Variants in PICALM observed in about 807,000 individuals in gnomAD.
PICALM encodes phosphatidylinositol binding clathrin assembly protein.
In PICALM, 40 loss-of-function variants were observed where a neutral mutation model predicts 80.5. The ratio of observed to expected loss-of-function variants is 0.50; its 90% CI spans 0.39 to 0.65. PICALM has a LOEUF of 0.65. Ranked by LOEUF, PICALM falls within the 30% of genes least tolerant of loss-of-function variation. The pLI is 0.00. For missense variants in PICALM, 676 were observed against 778.9 expected (o/e 0.87, Z 1.57); for synonymous variants, 288 against 260.3 (o/e 1.11, Z -1.02).
At chr11:85,959,806 C>G (rs1299185988) in intron 19 of PICALM, among the ~76,000 whole-genome samples, 15 of 152,002 alleles carry the variant, frequency 9.9e-5, no homozygotes, top group Admixed American at 9.8e-4. Context: ...TCTTGAACTA[C>G]TAGCCCCAAG....
intron 1 of PICALM, among the ~76,000 whole-genome samples, chr11:86,056,754 A>G (rs1432648906): frequency 1.3e-5 from 2 of 152,200 alleles, no homozygotes; most frequent in Non-Finnish European, 2.9e-5. Flanking sequence ...TCACAGCCCA[A>G]ATGGCTAAAC....
intron 17 of PICALM, among the ~76,000 whole-genome samples, chr11:85,979,789 C>T (rs1011089680): frequency 2.0e-5 from 3 of 152,184 alleles, no homozygotes; most frequent in South Asian, 2.1e-4. Flanking sequence ...CTGTCAGTAA[C>T]GTGTAGCCCG....
chr11:86,047,396 T>C (rs1359506666), intron 1 of PICALM, among the ~76,000 whole-genome samples: 1 of 152,256 alleles, frequency 6.6e-6, no homozygotes, highest in African/African-American at 2.4e-5. Context: ...CGACACATTA[T>C]TCAACTCAAG....
At chr11:86,066,571 AC>A (rs1416384022) in intron 1 of PICALM, among the ~76,000 whole-genome samples, 1 of 152,144 alleles carries the variant, frequency 6.6e-6, no homozygotes, top group Non-Finnish European at 1.5e-5. Context: ...CACTCTTCTA[AC>A]CCTACCTATT....
intron 1 of PICALM, among the ~76,000 whole-genome samples, chr11:86,033,350 T>G (rs921432603): frequency 2.6e-5 from 4 of 152,168 alleles, no homozygotes; most frequent in African/African-American, 9.7e-5. Context: ...CCATACTATA[T>G]TCCCTTTGTG....
chr11:85,966,516 C>T (rs576432889), intron 19 of PICALM, among the ~76,000 whole-genome samples: 1 of 149,848 alleles, frequency 6.7e-6, no homozygotes, highest in Non-Finnish European at 1.5e-5. Flanking sequence ...CAAAGTAATA[C>T]CACAATTTTA....
At chr11:85,983,821 A>G in intron 14 of PICALM, 45 bp downstream of exon 14, 1 of 785,908 alleles carries the variant, frequency 1.3e-6, no homozygotes, top group Non-Finnish European at 2.1e-6. Flanking sequence ...CACAGAATCT[A>G]AATTAGGACA....
chr11:86,042,108 C>G (rs191507936), intron 1 of PICALM, among the ~76,000 whole-genome samples: 57 of 152,170 alleles, frequency 3.7e-4, no homozygotes, highest in Admixed American at 1.4e-3. Context: ...ACAACAGGAC[C>G]CTGGCAAGAA....
chr11:86,010,995 G>C, intron 7 of PICALM, 35 bp downstream of exon 7: 1 of 886,752 alleles, frequency 1.1e-6, no homozygotes, highest in Non-Finnish European at 1.8e-6. Context: ...AGACAAAAAG[G>C]CAAGTTAGGA....
intron 19 of PICALM, among the ~76,000 whole-genome samples, chr11:85,966,976 T>C (rs2093922999): frequency 6.6e-6 from 1 of 152,228 alleles, no homozygotes; most frequent in Non-Finnish European, 1.5e-5. Flanking sequence ...TTAATTTCTG[T>C]TTTTAAGAGC....
intron 12 of PICALM, among the ~76,000 whole-genome samples, chr11:85,993,739 C>A (rs541790865): frequency 1.3e-5 from 2 of 151,758 alleles, no homozygotes; most frequent in South Asian, 2.1e-4. Flanking sequence ...ACACACCTGG[C>A]GCAAAAGTTT....
chr11:86,050,875 A>C (rs2096175110), intron 1 of PICALM, among the ~76,000 whole-genome samples: 1 of 152,110 alleles, frequency 6.6e-6, no homozygotes. Context: ...TTTTTATGTG[A>C]TGTGGTCTCG....
chr11:86,064,817 T>G (rs984601482), intron 1 of PICALM, among the ~76,000 whole-genome samples: 6 of 152,098 alleles, frequency 3.9e-5, no homozygotes, highest in Admixed American at 2.6e-4. Context: ...CTCACACCTG[T>G]AATCCCAGCA....
At chr11:86,029,896 A>G (rs957869756) in intron 2 of PICALM, among the ~76,000 whole-genome samples, 1 of 152,256 alleles carries the variant, frequency 6.6e-6, no homozygotes, top group African/African-American at 2.4e-5. Context: ...ATAATGAATT[A>G]GAAAGCAACT....
intron 3 of PICALM, among the ~76,000 whole-genome samples, chr11:86,024,737 T>A (rs2095622934): frequency 6.6e-6 from 1 of 152,212 alleles, no homozygotes; most frequent in Non-Finnish European, 1.5e-5. Flanking sequence ...TTCATATATA[T>A]TCTATTCACA....
chr11:86,054,241 C>A (rs373290548), intron 1 of PICALM, among the ~76,000 whole-genome samples: 2 of 152,316 alleles, frequency 1.3e-5, no homozygotes, highest in African/African-American at 4.8e-5. Flanking sequence ...CAGAATCATG[C>A]ATTCCTTCTT....
chr11:86,001,718 T>G (rs944129303), intron 9 of PICALM, among the ~76,000 whole-genome samples: 1 of 152,256 alleles, frequency 6.6e-6, no homozygotes, highest in African/African-American at 2.4e-5. Context: ...TCTTTCTATG[T>G]GCTGCCCTTT....
intron 2 of PICALM, among the ~76,000 whole-genome samples, chr11:86,029,012 ATTTTTTAC>A (rs2095702645): frequency 6.6e-6 from 1 of 151,116 alleles, no homozygotes; most frequent in Non-Finnish European, 1.5e-5. Flanking sequence ...TAATTTTTGT[ATTTTTTAC>A]TAGAGACGGG....
chr11:86,022,675 G>T (rs922567866), intron 3 of PICALM, among the ~76,000 whole-genome samples: 9 of 151,546 alleles, frequency 5.9e-5, no homozygotes, highest in Non-Finnish European at 1.2e-4. Flanking sequence ...ATTTAAATCA[G>T]ATAAGTCCTA....
Sources: gnomAD v4.1 joint callset for allele counts (sites outside exome capture counted in the v4.1 genomes callset) on GRCh38, gnomAD v4.1.1 for gene constraint, MANE v1.5 for transcripts, NCBI Gene and HGNC (gene_info 2026-07-23, HGNC 2026-07-21) for gene names.